ELMO1: variants seen among roughly 807,000 people sequenced by gnomAD.
The protein encoded by ELMO1 is engulfment and cell motility protein 1.
In ELMO1, 26 loss-of-function variants were observed where a neutral mutation model predicts 98.9. The ratio of observed to expected loss-of-function variants is 0.26; its 90% CI spans 0.19 to 0.36. The LOEUF is 0.36. ELMO1 is among the 10% of genes least tolerant of loss of function. The pLI is 1.00. For missense variants in ELMO1, 627 were observed against 935.2 expected (o/e 0.67, Z 4.30); for synonymous variants, 346 against 346.0 (o/e 1.00, Z 0.00).
chr7:37,161,466 C>T (rs1789197138), intron 13 of ELMO1, among the ~76,000 whole-genome samples: 1 of 152,070 alleles, frequency 6.6e-6, no homozygotes, highest in Non-Finnish European at 1.5e-5. Context: ...AGCAAAAGTC[C>T]CCCAAAATAT....
chr7:36,893,322 C>T lies in ELMO1; in HGVS notation c.1601+1532G>A, dbSNP rs555092903. Among the ~76,000 whole-genome samples, 12 of 152,290 alleles carry T rather than the reference C, an allele frequency of 7.9e-5. No individual in the cohort carries two copies. The South Asian group carries it at 1.0e-3, about 13-fold the overall frequency. On this transcript the variant is annotated intron_variant, in intron 17 of 21. Transcript: ENST00000310758. ...CATCTCTGAGGAGCCAGTCACTTAT[C>T]CAAAGTGCATCCTGCTTGGTGTTTC...
At chr7:36,920,583 T>C (rs959000130) in intron 16 of ELMO1, among the ~76,000 whole-genome samples, 1 of 152,230 alleles carries the variant, frequency 6.6e-6, no homozygotes, top group Admixed American at 6.5e-5. Context: ...TGTGCACATA[T>C]TTTAATGAAT....
At chr7:37,203,565 C>T (rs536660148) in intron 13 of ELMO1, among the ~76,000 whole-genome samples, 27 of 151,756 alleles carry the variant, frequency 1.8e-4, no homozygotes, top group African/African-American at 4.6e-4. Flanking sequence ...TTGGTGAGCC[C>T]GGGCACCTAA....
At chr7:37,326,463 G>T (rs1324831084) in intron 2 of ELMO1, among the ~76,000 whole-genome samples, 1 of 151,078 alleles carries the variant, frequency 6.6e-6, no homozygotes, top group African/African-American at 2.4e-5. Flanking sequence ...GCTGAGGCAG[G>T]AGAATCACTG....
In ELMO1 at chr7:37,342,696, G is replaced by A. The variant is rs1562629879; in HGVS notation, c.-6C>T. 1 of 1,609,256 alleles carries A rather than the reference G, an allele frequency of 6.2e-7. No individual in the cohort carries two copies. The highest frequency in any genetic ancestry group is 8.5e-7 in the Non-Finnish European group (1 of 1,178,128). On this transcript the variant is annotated 5_prime_UTR_variant, in exon 2 of 22. Coordinates refer to ENST00000310758, the MANE Select transcript of ELMO1 (RefSeq NM_014800.11). This position sits in a 1 kb window ranked among gnomAD's most constrained non-coding sequence, Gnocchi z 4.3. ...ATGTCCGCGGGTGGCGGCATTGTAA[G>A]TCCCCAAAATGTTCAAAGCCAGTGG...
chr7:37,037,267 G>C (rs996876537), intron 15 of ELMO1, among the ~76,000 whole-genome samples: 1 of 152,186 alleles, frequency 6.6e-6, no homozygotes, highest in African/African-American at 2.4e-5. Context: ...AATGCCAACA[G>C]TTCCTGTGCA....
chr7:37,425,063 G>A (rs1438709103), intron 1 of ELMO1, among the ~76,000 whole-genome samples: 1 of 152,270 alleles, frequency 6.6e-6, no homozygotes, highest in African/African-American at 2.4e-5. Context: ...AGGGTTTCCA[G>A]TCTTCATAGA....
chr7:37,118,049 A>G (rs1316502033), intron 14 of ELMO1, among the ~76,000 whole-genome samples: 1 of 152,268 alleles, frequency 6.6e-6, no homozygotes, highest in East Asian at 1.9e-4. Context: ...TTGTGCACTA[A>G]GCATTATTCC....
At chr7:37,195,719 A>C (rs1249962542) in intron 13 of ELMO1, among the ~76,000 whole-genome samples, 5 of 152,220 alleles carry the variant, frequency 3.3e-5, no homozygotes, top group Non-Finnish European at 4.4e-5. Flanking sequence ...CAGACGGACC[A>C]CCTCCAGTAG....
chr7:37,083,752 CA>C (rs1783608795), intron 15 of ELMO1, among the ~76,000 whole-genome samples: 1 of 152,198 alleles, frequency 6.6e-6, no homozygotes, highest in Non-Finnish European at 1.5e-5. Context: ...GAAGACCTGC[CA>C]GCTGGAGCTG....
intron 2 of ELMO1, among the ~76,000 whole-genome samples, chr7:37,324,236 G>A (rs558678359): frequency 1.3e-5 from 2 of 152,168 alleles, no homozygotes; most frequent in Non-Finnish European, 2.9e-5. Context: ...GAGAGCTCAA[G>A]TCTGTTGCTG....
chr7:36,905,943 T>C (rs1378765904), intron 16 of ELMO1, among the ~76,000 whole-genome samples: 1 of 152,242 alleles, frequency 6.6e-6, no homozygotes, highest in Non-Finnish European at 1.5e-5. Context: ...AACTTAGAAC[T>C]GCCAGCCTGT....
intron 5 of ELMO1, among the ~76,000 whole-genome samples, chr7:37,264,778 C>T (rs1026119282): frequency 2.6e-5 from 4 of 152,084 alleles, no homozygotes; most frequent in Non-Finnish European, 4.4e-5. Flanking sequence ...AAGGATTAGC[C>T]GTGGGCACAG....
At chr7:37,109,336 CCTT>C (rs1785110113) in intron 14 of ELMO1, among the ~76,000 whole-genome samples, 1 of 152,164 alleles carries the variant, frequency 6.6e-6, no homozygotes, top group South Asian at 2.1e-4. Flanking sequence ...TGAAAAATGT[CCTT>C]CGTTGTGTGT....
At chr7:36,925,906 CA>C (rs1033052228) in intron 16 of ELMO1, among the ~76,000 whole-genome samples, 4 of 152,218 alleles carry the variant, frequency 2.6e-5, no homozygotes, top group African/African-American at 9.6e-5. Flanking sequence ...TATCCCCCAG[CA>C]CCACCCCCTT....
chr7:37,374,979 A>C (rs1270022667), intron 1 of ELMO1, among the ~76,000 whole-genome samples: 1 of 151,912 alleles, frequency 6.6e-6, no homozygotes, highest in Non-Finnish European at 1.5e-5. Flanking sequence ...GAATTGCTTG[A>C]ACCCAGGAGG....
intron 13 of ELMO1, among the ~76,000 whole-genome samples, chr7:37,160,845 C>A (rs1789149418): frequency 1.3e-5 from 2 of 152,094 alleles, no homozygotes; most frequent in South Asian, 4.2e-4. Flanking sequence ...TGGCTACTTG[C>A]AACAGGTGGG....
intron 1 of ELMO1, chr7:37,375,828 C>G: frequency 1.3e-6 from 1 of 789,912 alleles, no homozygotes; most frequent in Non-Finnish European, 2.2e-6. Flanking sequence ...CAGAGACTGG[C>G]AGGCCTCGGC....
At chr7:37,304,987 G>A (rs1562598230) in intron 4 of ELMO1, among the ~76,000 whole-genome samples, 1 of 152,140 alleles carries the variant, frequency 6.6e-6, no homozygotes, top group African/African-American at 2.4e-5. Context: ...CGTGTGGGGG[G>A]TAGGGGAGAA....
Sources: allele counts gnomAD v4.1 joint callset (sites outside exome capture counted in the v4.1 genomes callset), GRCh38; gene constraint gnomAD v4.1.1; non-coding constraint Gnocchi (gnomAD v3.1); transcripts MANE v1.5; gene names NCBI Gene and HGNC (gene_info 2026-07-23, HGNC 2026-07-21).